Variants in CDH8 observed in about 807,000 individuals in gnomAD.
CDH8 encodes the protein cadherin 8.
CDH8 carries 17 observed loss-of-function variants against 68.1 expected under a neutral mutation model. That is an observed-to-expected ratio of 0.25 (90% CI 0.17 to 0.37). The LOEUF (loss-of-function observed/expected upper bound fraction) is 0.37. Among genes scored for constraint, CDH8 ranks in the 10% least tolerant of loss-of-function variants. The pLI, the probability that CDH8 is intolerant of heterozygous loss-of-function variation, is 1.00. For missense variants in CDH8, 763 were observed against 999.3 expected (o/e 0.76, Z 3.19); for synonymous variants, 372 against 365.1 (o/e 1.02, Z -0.21).
chr16:61,867,940 A>T lies in CDH8; in HGVS notation c.548-10702T>A, dbSNP rs925727826. 3.3e-5 allele frequency among the ~76,000 whole-genome samples: 5 copies of T among 152,140 alleles called. No homozygotes were observed. In the South Asian group the frequency reaches 1.0e-3, roughly 32 times the overall value. On this transcript the variant is annotated intron_variant, in intron 3 of 11. Coordinates refer to ENST00000577390, the MANE Select transcript of CDH8 (RefSeq NM_001796.5). Reference sequence around the variant, plus strand: ...AACAATATTCTTTCTTATTCTCTCAACTTTCCCCTCTCATCCTCCCCTCCA... The same window carrying T: ...AACAATATTCTTTCTTATTCTCTCATCTTTCCCCTCTCATCCTCCCCTCCA...
intron 8 of CDH8, among the ~76,000 whole-genome samples, chr16:61,727,953 G>A (rs1959424006): frequency 6.6e-6 from 1 of 150,970 alleles, no homozygotes; most frequent in Non-Finnish European, 1.5e-5. Flanking sequence ...ACACACAGAA[G>A]GAGATCTAGT....
chr16:61,729,800 G>T (rs1211258306), intron 8 of CDH8, among the ~76,000 whole-genome samples: 1 of 151,230 alleles, frequency 6.6e-6, no homozygotes, highest in Non-Finnish European at 1.5e-5. Flanking sequence ...GAATAATAGG[G>T]GCACAGTCTT....
intron 2 of CDH8, among the ~76,000 whole-genome samples, chr16:61,966,846 T>A (rs1007331672): frequency 1.3e-5 from 2 of 152,202 alleles, no homozygotes; most frequent in African/African-American, 4.8e-5. Context: ...AACCTTTACA[T>A]GCATTAACTC....
intron 4 of CDH8, among the ~76,000 whole-genome samples, chr16:61,826,987 G>A (rs1962350032): frequency 6.6e-6 from 1 of 151,720 alleles, no homozygotes; most frequent in African/African-American, 2.4e-5. Context: ...TACCTATATA[G>A]TTAGAAATAA....
At position 61,895,357 on chromosome 16, in the gene CDH8, A is replaced by G. The variant is rs145767055; in HGVS notation, c.547+5822T>C. On this transcript the variant is annotated intron_variant, in intron 3 of 11. Coordinates refer to ENST00000577390, the MANE Select transcript of CDH8 (RefSeq NM_001796.5). ...TTATATTTCAGCTCAGCCACTTAAT[A>G]TCTGACTTTATATTATGTAGCATTT... is the stretch of plus-strand genomic sequence containing the variant. Among the ~76,000 whole-genome samples the G allele has an allele frequency of 1.3e-4, 20 of 152,284 alleles. No homozygotes were observed. The East Asian group carries it at 3.5e-3, about 26-fold the overall frequency.
At chr16:61,671,965 A>T in intron 10 of CDH8, among the ~76,000 whole-genome samples, 1 of 152,164 alleles carries the variant, frequency 6.6e-6, no homozygotes, top group East Asian at 1.9e-4. Flanking sequence ...TGAAAATGTA[A>T]TCTGATACAA....
chr16:61,711,243 A>G lies in CDH8; in HGVS notation c.1654+2598T>C, dbSNP rs181055435. Reference sequence around the variant, plus strand: ...AGAAATTGCATTAGGACCAATCCATATAAGAGACAAGAAAAATTACAATAA... The same window carrying G: ...AGAAATTGCATTAGGACCAATCCATGTAAGAGACAAGAAAAATTACAATAA... On this transcript the variant is annotated intron_variant, in intron 10 of 11. Transcript: ENST00000577390. Among the ~76,000 whole-genome samples the G allele has an allele frequency of 2.2e-4, 34 of 151,990 alleles. 1 individual carries two copies. The Middle Eastern group carries it at 0.024, about 106-fold the overall frequency.
Position 62,021,165 on chromosome 16 carries a change from A to G in CDH8, c.239T>C (p.Ile80Thr). 1.9e-6 allele frequency: 3 copies of G among 1,613,904 alleles called. No individual in the cohort carries two copies. Among genetic ancestry groups the G allele is most frequent in the Non-Finnish European group, 2.5e-6 (3 of 1,179,882 alleles). ...AACAAAGCTTACCCGGCCAACAAGA[A>G]TCGGTTCAGGTCCAGAAAACTCTTC... ...VLEEFSGPEP[I>T]LVGRLHTDLD... is the part of the protein sequence containing the mutation. The change falls in exon 2 of 12, where the codon ATT (isoleucine) becomes ACT (threonine). Residue 80 changes from isoleucine (I) to threonine (T), a missense_variant. This residue lies in a region of CDH8 where 366 missense variants were observed against 563.1 expected (regional missense o/e 0.65). Transcript: ENST00000577390.
chr16:62,035,881 G>A (rs1006998177), intron 1 of CDH8, among the ~76,000 whole-genome samples, 199 bp downstream of exon 1: 5 of 152,308 alleles, frequency 3.3e-5, no homozygotes, highest in Admixed American at 2.6e-4. Flanking sequence ...AAACCTTGAG[G>A]CGTACGTACG....
At chr16:61,845,064 T>G (rs1227198232) in intron 4 of CDH8, among the ~76,000 whole-genome samples, 1 of 152,118 alleles carries the variant, frequency 6.6e-6, no homozygotes, top group Non-Finnish European at 1.5e-5. Context: ...AAGGAAAAAC[T>G]AAGGACTAGC....
chr16:61,809,514 G>A (rs1961888152), intron 7 of CDH8, among the ~76,000 whole-genome samples: 1 of 152,092 alleles, frequency 6.6e-6, no homozygotes, highest in African/African-American at 2.4e-5. Flanking sequence ...ACAGGTTGAT[G>A]GGTGCAGCAA....
intron 2 of CDH8, among the ~76,000 whole-genome samples, chr16:61,964,534 A>T (rs1965213888): frequency 6.7e-6 from 1 of 148,790 alleles, no homozygotes; most frequent in African/African-American, 2.5e-5. Flanking sequence ...AAGCTGAGAG[A>T]TTTTTTTTTT....
intron 2 of CDH8, among the ~76,000 whole-genome samples, chr16:62,001,527 T>C (rs1269052423): frequency 6.6e-6 from 1 of 152,176 alleles, no homozygotes; most frequent in Non-Finnish European, 1.5e-5. Flanking sequence ...TACATTCCAC[T>C]TTTGACTGGA....
chr16:61,647,335 A>G lies in CDH8; in HGVS notation c.*6273T>C, dbSNP rs1963226910. The G allele has an allele frequency of 2.0e-5, 3 of 151,406 alleles. No individual in the cohort carries two copies. In the Admixed American group the frequency reaches 2.0e-4, roughly 10 times the overall value. The allele number at this position is 151,406 out of a possible 1,614,324, so 9.4% of individuals were successfully genotyped here. ...TAAATTTTGGCTCTAACATTGAGCCAAAAACATCCATTCACATACTCAACA... is the reference window on the plus strand; with the variant it reads ...TAAATTTTGGCTCTAACATTGAGCCGAAAACATCCATTCACATACTCAACA... On this transcript the variant is annotated 3_prime_UTR_variant, in exon 12 of 12. Coordinates refer to ENST00000577390, the MANE Select transcript of CDH8 (RefSeq NM_001796.5).
intron 8 of CDH8, 92 bp from the exon 9 acceptor site, chr16:61,727,307 A>C: frequency 7.7e-7 from 1 of 1,296,826 alleles, no homozygotes; most frequent in Non-Finnish European, 1.1e-6. Context: ...GTCTGTTTCC[A>C]ACTTCCCTTA....
chr16:62,029,513 C>A (rs560423296), intron 1 of CDH8, among the ~76,000 whole-genome samples: 1 of 152,152 alleles, frequency 6.6e-6, no homozygotes, highest in Non-Finnish European at 1.5e-5. Context: ...CTCAGAAGGG[C>A]TGCATTTTTA....
intron 3 of CDH8, among the ~76,000 whole-genome samples, chr16:61,899,188 C>T (rs1203855041): frequency 6.6e-6 from 1 of 152,054 alleles, no homozygotes; most frequent in Non-Finnish European, 1.5e-5. Context: ...TCCATGTGTT[C>T]TTATTGTTCA....
chr16:61,965,837 T>C (rs993855586), intron 2 of CDH8, among the ~76,000 whole-genome samples: 4 of 152,188 alleles, frequency 2.6e-5, no homozygotes, highest in Admixed American at 6.5e-5. Context: ...AGCCATAACA[T>C]ATGTTAATTC....
At chr16:61,978,886 C>T (rs1471987929) in intron 2 of CDH8, among the ~76,000 whole-genome samples, 1 of 152,120 alleles carries the variant, frequency 6.6e-6, no homozygotes, top group East Asian at 1.9e-4. Context: ...AGCCTCCTCA[C>T]CTCCCTCCTG....
Sources: gnomAD v4.1 joint callset for allele counts (sites outside exome capture counted in the v4.1 genomes callset) on GRCh38, gnomAD v4.1.1 for gene constraint, gnomAD v4.1.1 regional missense constraint, MANE v1.5 for transcripts, NCBI Gene and HGNC (gene_info 2026-07-23, HGNC 2026-07-21) for gene names.